TTC6: variants seen among roughly 807,000 people sequenced by gnomAD.
TTC6 encodes tetratricopeptide repeat domain 6.
Under a neutral mutation model 210.4 loss-of-function variants are expected in TTC6, and 172 were observed. The ratio of observed to expected loss-of-function variants is 0.82; its 90% CI spans 0.72 to 0.93. TTC6 has a LOEUF of 0.93. TTC6 is among the 40% of genes least tolerant of loss of function. The pLI, the probability that TTC6 is intolerant of heterozygous loss-of-function variation, is 0.00. For synonymous variants in TTC6, 804 were observed against 819.6 expected, an observed-to-expected ratio of 0.98 and a Z score of 0.32; for missense variants, 2,414 against 2,318.1, an observed-to-expected ratio of 1.04 and a Z score of -0.85.
In TTC6 at chr14:37,749,848, G is replaced by T. The variant is rs1298264948; in HGVS notation, c.2956+5G>T. ...AATATAATAAAAATAATACAGGTGG[G>T]TTGTCTGTAGAGACAGTTATATTAC... On this transcript the variant is annotated splice_donor_5th_base_variant and intron_variant, in intron 12 of 30. Transcript: ENST00000553443. 6.6e-6 allele frequency: 9 copies of T among 1,360,310 alleles called. No individual in the cohort carries two copies. The highest frequency in any genetic ancestry group is 2.3e-4 in the Middle Eastern group (1 of 4,274). The allele number at this position is 1,360,310 out of a possible 1,614,324, so 84.3% of individuals were successfully genotyped here.
intron 6 of TTC6, among the ~76,000 whole-genome samples, chr14:37,717,704 GAAGC>G (rs905431990): frequency 6.6e-6 from 1 of 151,744 alleles, no homozygotes; most frequent in Non-Finnish European, 1.5e-5. Context: ...TTCATTTTTT[GAAGC>G]TAGTAATACC....
rs371258666 is a variant in TTC6 at position 37,776,002 on chromosome 14, G to A, written c.3267-11466G>A. The stretch of plus-strand genomic sequence containing the variant: ...TTTCTCCATACCTTTACTTTGAGCC[G>A]ATGGGTGTCATTGCATTTGGCGTAC... On this transcript the variant is annotated intron_variant, in intron 14 of 30. Transcript: ENST00000553443. 9.2e-5 allele frequency among the ~76,000 whole-genome samples: 14 copies of A among 151,564 alleles called. No individual in the cohort carries two copies. In the South Asian group the frequency reaches 1.5e-3, roughly 16 times the overall value.
chr14:37,752,565 G>A (rs1440595399), intron 13 of TTC6, among the ~76,000 whole-genome samples: 1 of 150,554 alleles, frequency 6.6e-6, no homozygotes, highest in East Asian at 1.9e-4. Context: ...TTGTGTTTCA[G>A]TTCTTTTCTA....
chr14:37,643,781 C>T lies in TTC6; in HGVS notation c.939+20778C>T, dbSNP rs78650900. Among the ~76,000 whole-genome samples the T allele has an allele frequency of 9.7e-3, 1,480 of 152,206 alleles. 34 individuals are homozygous for T. The highest frequency in any genetic ancestry group is 0.034 in the African/African-American group (1,408 of 41,514). ...ATTTCCCCTCAAGAACATCACTAGT[C>T]TCAAGCTCTTCATCTCTTAATCATT... On this transcript the variant is annotated intron_variant, in intron 1 of 30. Coordinates refer to ENST00000553443, the Ensembl canonical transcript of TTC6.
intron 22 of TTC6, among the ~76,000 whole-genome samples, chr14:37,806,795 A>C (rs1446668780): frequency 6.6e-6 from 1 of 152,138 alleles, no homozygotes; most frequent in Admixed American, 6.5e-5. Context: ...AATTTTACTT[A>C]CTTTTTGTTT....
chr14:37,635,810 C>A (rs934688447), intron 1 of TTC6, among the ~76,000 whole-genome samples: 1 of 151,688 alleles, frequency 6.6e-6, no homozygotes, highest in Admixed American at 6.6e-5. Flanking sequence ...GAAACCCTGT[C>A]TCTACCAAAA....
intron 24 of TTC6, among the ~76,000 whole-genome samples, chr14:37,809,365 G>A (rs749935222): frequency 2.0e-4 from 30 of 147,438 alleles, no homozygotes; most frequent in Non-Finnish European, 4.2e-4. Flanking sequence ...CCATTCTCCC[G>A]CCTCAGCCTC....
rs114720616 is a variant in TTC6 at position 37,713,198 on chromosome 14, A to G, written c.1572-1457A>G. Among the ~76,000 whole-genome samples the G allele has an allele frequency of 5.0e-3, 767 of 152,346 alleles. 6 individuals are homozygous for G. The highest frequency in any genetic ancestry group is 0.015 in the African/African-American group (635 of 41,586). On this transcript the variant is annotated intron_variant, in intron 5 of 30. Coordinates refer to ENST00000553443, the Ensembl canonical transcript of TTC6. ...CACAACTCACAAAGTCATAACTGGA[A>G]CACTGCTACAGAAGAACTCAACATT...
At position 37,722,163 on chromosome 14, in the gene TTC6, A is replaced by G. The variant is rs148275494; in HGVS notation, c.1714-2735A>G. Among the ~76,000 whole-genome samples the G allele has an allele frequency of 3.0e-3, 449 of 152,104 alleles. 4 individuals are homozygous for G. Among genetic ancestry groups the G allele is most frequent in the Non-Finnish European group, 1.8e-3 (124 of 68,020 alleles). On this transcript the variant is annotated intron_variant, in intron 6 of 30. Coordinates refer to ENST00000553443, the Ensembl canonical transcript of TTC6. ...AAGAGTTATTGCATCAGCTCGTAGT[A>G]TGCATCATGGCCTTAGGAGGTATGC...
At chr14:37,785,006 G>T (rs181294499) in intron 14 of TTC6, among the ~76,000 whole-genome samples, 1 of 152,264 alleles carries the variant, frequency 6.6e-6, no homozygotes, top group African/African-American at 2.4e-5. Flanking sequence ...TAATCTGATG[G>T]GCTTCCCTTT....
chr14:37,716,290 CAAAAG>C (rs891460879), intron 6 of TTC6, among the ~76,000 whole-genome samples: 8 of 151,912 alleles, frequency 5.3e-5, no homozygotes, highest in African/African-American at 1.7e-4. Context: ...AAAACAGAAA[CAAAAG>C]AAACCAGACA....
intron 3 of TTC6, among the ~76,000 whole-genome samples, chr14:37,693,983 C>A (rs528330863): frequency 1.1e-4 from 1 of 9,268 alleles, no homozygotes; most frequent in East Asian, 0.01. Flanking sequence ...ACCACAAAAA[C>A]AAACAAACAA....
chr14:37,792,508 C>T, intron 17 of TTC6, 94 bp downstream of exon 19: 1 of 1,061,336 alleles, frequency 9.4e-7, no homozygotes, highest in South Asian at 2.6e-5. Flanking sequence ...CATATTTTAG[C>T]TAATTGTAGG....
chr14:37,710,598 C>G (rs2095843093), intron 5 of TTC6, among the ~76,000 whole-genome samples: 1 of 152,130 alleles, frequency 6.6e-6, no homozygotes, highest in Non-Finnish European at 1.5e-5. Flanking sequence ...CAAGCCTCTT[C>G]ACATACATGA....
chr14:37,822,168 C>A (rs1242007659), intron 26 of TTC6, among the ~76,000 whole-genome samples: 2 of 152,148 alleles, frequency 1.3e-5, no homozygotes, highest in African/African-American at 4.8e-5. Context: ...CCAAGCTTAT[C>A]ATTTTAGCTT....
intron 23 of TTC6, among the ~76,000 whole-genome samples, chr14:37,808,313 A>G (rs139843998): frequency 1.3e-5 from 2 of 152,308 alleles, no homozygotes; most frequent in East Asian, 3.9e-4. Context: ...AGGAAGCAAA[A>G]GAGAACGTGG....
At chr14:37,823,652 A>G in intron 26 of TTC6, 95 bp from the exon 29 acceptor site, 1 of 1,127,510 alleles carries the variant, frequency 8.9e-7, no homozygotes, top group Non-Finnish European at 1.3e-6. Flanking sequence ...GTCAATTCAA[A>G]TCTTTATGGA....
chr14:37,794,499 T>A (rs1287007001), intron 17 of TTC6, among the ~76,000 whole-genome samples: 1 of 151,024 alleles, frequency 6.6e-6, no homozygotes, highest in Non-Finnish European at 1.5e-5. Context: ...TCAATGATAG[T>A]TGATTTTGTC....
At chr14:37,601,725 G>T (rs765969229) in intron 1 of TTC6, among the ~76,000 whole-genome samples, 1 of 152,104 alleles carries the variant, frequency 6.6e-6, no homozygotes, top group Admixed American at 6.5e-5. Flanking sequence ...CAGTATAATC[G>T]GGTGGCATAA....
Sources: gnomAD v4.1 joint callset for allele counts (sites outside exome capture counted in the v4.1 genomes callset) on GRCh38, gnomAD v4.1.1 for gene constraint, MANE v1.5 for transcripts, NCBI Gene and HGNC (gene_info 2026-07-23, HGNC 2026-07-21) for gene names.